DYRK1A: variants seen among roughly 807,000 people sequenced by gnomAD.
The protein encoded by DYRK1A is dual specificity tyrosine phosphorylation regulated kinase 1A, also known as dual specificity tyrosine-phosphorylation-regulated kinase 1A.
Under a neutral mutation model 79.7 loss-of-function variants are expected in DYRK1A, and 9 were observed. The observed-to-expected ratio is 0.11, with a 90% CI of 0.07 to 0.20. DYRK1A has a LOEUF of 0.20. DYRK1A is among the 10% of genes least tolerant of loss of function. DYRK1A has a pLI of 1.00. For synonymous variants in DYRK1A, 349 were observed against 329.7 expected, an observed-to-expected ratio of 1.06 and a Z score of -0.63; for missense variants, 622 against 956.0, an observed-to-expected ratio of 0.65 and a Z score of 4.61.
chr21:37,373,037 A>G (rs950227050), intron 1 of DYRK1A, among the ~76,000 whole-genome samples: 2 of 152,250 alleles, frequency 1.3e-5, no homozygotes, highest in African/African-American at 4.8e-5. Context: ...TTTCTTGATC[A>G]TGGCTGTAAC....
chr21:37,428,789 T>C (rs1293977887), intron 2 of DYRK1A: 3 of 152,228 alleles, frequency 2.0e-5, no homozygotes, highest in Non-Finnish European at 4.4e-5. Flanking sequence ...TTATCATTGC[T>C]TAAGATTTGG....
At position 37,367,637 on chromosome 21, in the gene DYRK1A, C is replaced by CCGGCCCGGCCG. The variant is rs1416810926; in HGVS notation, c.-77+16_-77+26dup. On this transcript the variant is annotated intron_variant, in intron 1 of 11. Transcript: ENST00000647188. ...GCCCCGCCATCGTCCCGGTGAGTGT[C>CCGGCCCGGCCG]CGGCCCGGCCGCGGCCCCGCCCGGC... 1.2e-4 allele frequency: 17 copies of CCGGCCCGGCCG among 145,328 alleles called. No individual in the cohort carries two copies. Among genetic ancestry groups the CCGGCCCGGCCG allele is most frequent in the African/African-American group, 4.2e-4 (17 of 40,300 alleles). 9.0% of individuals were successfully genotyped at this position (145,328 alleles called of 1,614,324 possible). A position where few individuals can be genotyped will look rare whatever the true frequency, so the allele number is the denominator to read the frequency against.
chr21:37,526,196 G>A lies in DYRK1A; in HGVS notation c.*13665G>A, dbSNP rs895661188. 1 of 152,094 alleles carries A rather than the reference G, an allele frequency of 6.6e-6. No homozygotes were observed. Among genetic ancestry groups the A allele is most frequent in the African/African-American group, 2.4e-5 (1 of 41,396 alleles). The allele number at this position is 152,094 out of a possible 1,614,324, so 9.4% of individuals were successfully genotyped here. A position where few individuals can be genotyped will look rare whatever the true frequency, so the allele number is the denominator to read the frequency against. ...TGAGCAGTGTGTTAGGGACCTCAAT[G>A]CAAACCCAAAAGAAATTTTTATATT... On this transcript the variant is annotated 3_prime_UTR_variant, in exon 12 of 12. Coordinates refer to ENST00000647188, the MANE Select transcript of DYRK1A (RefSeq NM_001347721.2).
intron 7 of DYRK1A, among the ~76,000 whole-genome samples, chr21:37,491,481 T>A (rs1265011864): frequency 1.3e-5 from 2 of 152,216 alleles, no homozygotes; most frequent in Non-Finnish European, 2.9e-5. Context: ...TTAGTGAAAT[T>A]TTCTGTCCCG....
At chr21:37,425,665 T>C (rs1040901064) in intron 2 of DYRK1A, 3 of 152,144 alleles carry the variant, frequency 2.0e-5, no homozygotes, top group African/African-American at 7.2e-5. Flanking sequence ...GAACATAGTT[T>C]TAAAATTTTC....
intron 1 of DYRK1A, among the ~76,000 whole-genome samples, chr21:37,405,555 C>A (rs1030528467): frequency 2.0e-5 from 3 of 152,120 alleles, no homozygotes; most frequent in Non-Finnish European, 4.4e-5. Context: ...TTCTCACTAA[C>A]TTTTTTAATG....
rs2053035322 is a variant in DYRK1A at position 37,490,196 on chromosome 21, T to C, written c.659T>C (p.Met220Thr). 6.2e-7 allele frequency: 1 copy of C among 1,613,000 alleles called. No individual in the cohort carries two copies. The highest frequency in any genetic ancestry group is 8.5e-7 in the Non-Finnish European group (1 of 1,179,214). ...TCAGTGCATTTGAAACGCCACTTTATGTTTCGAAACCATCTCTGTTTAGTT... is the reference window on the plus strand; with the variant it reads ...TCAGTGCATTTGAAACGCCACTTTACGTTTCGAAACCATCTCTGTTTAGTT... ...YYIVHLKRHF[M>T]FRNHLCLVFE... The change falls in exon 7 of 12, where the codon ATG becomes ACG. Residue 220 changes from methionine to threonine, a missense_variant. Around this residue, in one of 5 missense-constraint regions of DYRK1A, gnomAD observed 138 missense variants for 346.4 expected, o/e 0.40. Coordinates refer to ENST00000647188, the MANE Select transcript of DYRK1A (RefSeq NM_001347721.2).
chr21:37,490,575 T>G (rs1322870583), intron 7 of DYRK1A, 114 bp downstream of exon 7: 5 of 675,806 alleles, frequency 7.4e-6, no homozygotes, highest in Non-Finnish European at 1.0e-5. Flanking sequence ...TTGCAGTTGC[T>G]GTTTTTGCAG....
At chr21:37,439,502 C>CCG (rs551054761) in intron 2 of DYRK1A, among the ~76,000 whole-genome samples, 36 of 152,154 alleles carry the variant, frequency 2.4e-4, no homozygotes, top group Non-Finnish European at 4.3e-4. Context: ...AGGAACTGGG[C>CCG]CGCACAGCAG....
At chr21:37,498,575 C>G (rs1392444291) in intron 9 of DYRK1A, among the ~76,000 whole-genome samples, 1 of 151,968 alleles carries the variant, frequency 6.6e-6, no homozygotes, top group African/African-American at 2.4e-5. Flanking sequence ...ATGAACATGC[C>G]ATAATTTATA....
At chr21:37,449,776 A>G (rs746258009) in intron 2 of DYRK1A, among the ~76,000 whole-genome samples, 6 of 152,112 alleles carry the variant, frequency 3.9e-5, no homozygotes, top group Non-Finnish European at 8.8e-5. Context: ...TTCCCCATAA[A>G]TATCCTGTTT....
chr21:37,423,880 A>G (rs1470826985), intron 2 of DYRK1A, among the ~76,000 whole-genome samples: 1 of 152,140 alleles, frequency 6.6e-6, no homozygotes, highest in African/African-American at 2.4e-5. Flanking sequence ...ATATACTCAT[A>G]TATATGAATT....
chr21:37,416,993 A>G (rs2050354846), intron 1 of DYRK1A, among the ~76,000 whole-genome samples: 1 of 152,152 alleles, frequency 6.6e-6, no homozygotes, highest in Non-Finnish European at 1.5e-5. Context: ...GCTACTTGTA[A>G]TACTTCATAC....
chr21:37,508,061 T>C (rs981935231), intron 11 of DYRK1A, among the ~76,000 whole-genome samples: 3 of 151,844 alleles, frequency 2.0e-5, no homozygotes, highest in Admixed American at 2.0e-4. Flanking sequence ...AGTTGTAAAT[T>C]TGGGGGCACT....
At chr21:37,452,048 A>T (rs2051470193) in intron 2 of DYRK1A, among the ~76,000 whole-genome samples, 2 of 152,058 alleles carry the variant, frequency 1.3e-5, no homozygotes, top group African/African-American at 4.8e-5. Flanking sequence ...AGGGGACAGG[A>T]TGGAGAGAAA....
chr21:37,474,609 C>T (rs1246900416), intron 3 of DYRK1A, among the ~76,000 whole-genome samples: 1 of 152,112 alleles, frequency 6.6e-6, no homozygotes, highest in Non-Finnish European at 1.5e-5. Flanking sequence ...TTATTTGTAC[C>T]CTTCATATCT....
At chr21:37,366,396 G>C (rs1322466249), upstream of DYRK1A, among the ~76,000 whole-genome samples, 2 of 145,510 alleles carry the variant, frequency 1.4e-5, no homozygotes, top group African/African-American at 4.9e-5. Context: ...CCGGGCCGCA[G>C]TCGGCGCGGG....
At position 37,516,833 on chromosome 21, in the gene DYRK1A, C is replaced by T. The variant is rs1472480091; in HGVS notation, c.*4302C>T. The T allele has an allele frequency of 6.6e-6, 1 of 152,198 alleles. No individual in the cohort carries two copies. The highest frequency in any genetic ancestry group is 1.5e-5 in the Non-Finnish European group (1 of 68,036). The allele number at this position is 152,198 out of a possible 1,614,324, so 9.4% of individuals were successfully genotyped here. A position where few individuals can be genotyped will look rare whatever the true frequency, so the allele number is the denominator to read the frequency against. ...GTCAGGTATTTGTCAGTATTTATTT[C>T]TAATTTCCTACTTTAAATCTTAGGA... On this transcript the variant is annotated 3_prime_UTR_variant, in exon 12 of 12. Coordinates refer to ENST00000647188, the MANE Select transcript of DYRK1A (RefSeq NM_001347721.2).
chr21:37,412,510 C>G (rs1455561316), intron 1 of DYRK1A, among the ~76,000 whole-genome samples: 1 of 152,126 alleles, frequency 6.6e-6, no homozygotes, highest in Non-Finnish European at 1.5e-5. Flanking sequence ...GGAGTAGAGT[C>G]TGATGTAGTT....
Sources: gnomAD v4.1 joint callset for allele counts (sites outside exome capture counted in the v4.1 genomes callset) on GRCh38, gnomAD v4.1.1 for gene constraint, gnomAD v4.1.1 regional missense constraint, MANE v1.5 for transcripts, NCBI Gene and HGNC (gene_info 2026-07-23, HGNC 2026-07-21) for gene names.